LARP4B: variants seen among roughly 807,000 people sequenced by gnomAD.
LARP4B encodes la-related protein 4B.
In LARP4B, 12 loss-of-function variants were observed where a neutral mutation model predicts 89.8. The ratio of observed to expected loss-of-function variants is 0.13; its 90% CI spans 0.09 to 0.22. The LOEUF (loss-of-function observed/expected upper bound fraction) is 0.22. Ranked by LOEUF, LARP4B falls within the 10% of genes least tolerant of loss-of-function variation. LARP4B has a pLI of 1.00. For missense variants in LARP4B, 757 were observed against 947.7 expected (o/e 0.80, Z 2.64); for synonymous variants, 367 against 363.3 (o/e 1.01, Z -0.12).
chr10:844,994 C>T lies in LARP4B; in HGVS notation c.492G>A (p.Leu164=). 1 of 1,611,526 alleles carries T rather than the reference C, an allele frequency of 6.2e-7. No homozygotes were observed. The highest frequency in any genetic ancestry group is 8.5e-7 in the Non-Finnish European group (1 of 1,179,414). ...AGCCTTACCTAGATAAGCAGAATTC[C>T]AATGTTTTTTTAAGTACTTCTCGGG... ...EDPREVLKKT[L]EFCLSRENLA... is the part of the protein sequence containing the mutation. Residue 164 remains leucine (L), a synonymous_variant, in exon 6 of 18, where the codon TTG becomes TTA. Coordinates refer to ENST00000316157, the MANE Select transcript of LARP4B (RefSeq NM_015155.3).
intron 1 of LARP4B, among the ~76,000 whole-genome samples, chr10:895,111 G>A (rs1356647319): frequency 3.3e-5 from 5 of 152,086 alleles, no homozygotes; most frequent in Non-Finnish European, 5.9e-5. Context: ...GCCTGAATCC[G>A]GGAGGCAGAG....
chr10:816,460 C>G (rs1832060592), intron 15 of LARP4B, among the ~76,000 whole-genome samples: 1 of 152,182 alleles, frequency 6.6e-6, no homozygotes, highest in South Asian at 2.1e-4. Context: ...CCCACTACAC[C>G]TGGGTGGTGG....
chr10:837,887 T>C (rs1833309067), intron 7 of LARP4B, among the ~76,000 whole-genome samples: 1 of 152,054 alleles, frequency 6.6e-6, no homozygotes, highest in African/African-American at 2.4e-5. Flanking sequence ...AATTTACAAA[T>C]TGGACTATAT....
At chr10:964,525 A>G in the LARP4B span, among the ~76,000 whole-genome samples, 2 of 152,128 alleles carry the variant, frequency 1.3e-5, no homozygotes, top group African/African-American at 4.8e-5. Flanking sequence ...ACGCTGTTGC[A>G]GCAGATGATC....
At position 830,798 on chromosome 10, in the gene LARP4B, C is replaced by T. The variant is rs1032308496; in HGVS notation, c.861+69G>A. 4.8e-5 allele frequency: 34 copies of T among 713,368 alleles called. No individual in the cohort carries two copies. In the East Asian group the frequency reaches 5.5e-4, roughly 12 times the overall value. 44.2% of individuals were successfully genotyped at this position (713,368 alleles called of 1,614,324 possible). A position where few individuals can be genotyped will look rare whatever the true frequency, so the allele number is the denominator to read the frequency against. On this transcript the variant is annotated intron_variant, in intron 9 of 17. Coordinates refer to ENST00000316157, the MANE Select transcript of LARP4B (RefSeq NM_015155.3). ...AGTAATCTCAATGCCCAAGTTTAGT[C>T]CCAACATGCACTAATAGTAAAAACT...
At chr10:982,899 A>C in the LARP4B span, among the ~76,000 whole-genome samples, 1 of 152,232 alleles carries the variant, frequency 6.6e-6, no homozygotes, top group African/African-American at 2.4e-5. Flanking sequence ...GAGTTCTTTC[A>C]TGTTTTCTTA....
chr10:821,513 T>C (rs1282199343), intron 13 of LARP4B, among the ~76,000 whole-genome samples: 1 of 152,230 alleles, frequency 6.6e-6, no homozygotes, highest in Non-Finnish European at 1.5e-5. Flanking sequence ...CGTGGAGACC[T>C]AGGACTCTAG....
the LARP4B span, among the ~76,000 whole-genome samples, chr10:943,724 G>A: frequency 3.9e-5 from 6 of 152,146 alleles, no homozygotes; most frequent in East Asian, 5.8e-4. Context: ...AGTGAGCGGC[G>A]AGGGTGATGG....
the LARP4B span, among the ~76,000 whole-genome samples, chr10:984,440 G>A: frequency 1.3e-5 from 2 of 152,160 alleles, no homozygotes; most frequent in African/African-American, 4.8e-5. Context: ...TGGAACAGCA[G>A]AATGCAAAGA....
chr10:895,723 A>G (rs1836169803), intron 1 of LARP4B, among the ~76,000 whole-genome samples: 2 of 151,966 alleles, frequency 1.3e-5, no homozygotes, highest in Admixed American at 6.6e-5. Flanking sequence ...GTATGTTACA[A>G]TTACTTAAAA....
At chr10:935,924 A>G (rs1302711517), upstream of LARP4B, among the ~76,000 whole-genome samples, 1 of 148,132 alleles carries the variant, frequency 6.8e-6, no homozygotes, top group Non-Finnish European at 1.5e-5. Context: ...TTTTGTTTTT[A>G]GTAGAGTCAG....
intron 7 of LARP4B, among the ~76,000 whole-genome samples, chr10:839,830 C>A (rs530149388): frequency 1.3e-5 from 2 of 152,280 alleles, no homozygotes; most frequent in Admixed American, 1.3e-4. Flanking sequence ...CATGGTCACA[C>A]GGAGACTTTT....
chr10:830,980 A>G lies in LARP4B; in HGVS notation c.751-3T>C. 3 of 1,028,692 alleles carry G rather than the reference A, an allele frequency of 2.9e-6. No individual in the cohort carries two copies. Among genetic ancestry groups the G allele is most frequent in the Non-Finnish European group, 3.0e-6 (2 of 670,628 alleles). 63.7% of individuals were successfully genotyped at this position (1,028,692 alleles called of 1,614,324 possible). A position where few individuals can be genotyped will look rare whatever the true frequency, so the allele number is the denominator to read the frequency against. On this transcript the variant is annotated splice_polypyrimidine_tract_variant and splice_region_variant and intron_variant, in intron 8 of 17. Transcript: ENST00000316157. ...CCTTTAAATAGTGCTTCTACTTCCTACAGGAAATAGAGATGTTAGAAATTA... is the reference window on the plus strand; with the variant it reads ...CCTTTAAATAGTGCTTCTACTTCCTGCAGGAAATAGAGATGTTAGAAATTA...
intron 7 of LARP4B, among the ~76,000 whole-genome samples, chr10:839,115 G>C (rs1007557537): frequency 6.6e-6 from 1 of 152,194 alleles, no homozygotes; most frequent in East Asian, 1.9e-4. Flanking sequence ...GGGGAGGCAG[G>C]GATGCACGGG....
At chr10:931,213 G>A (rs1246349199) in intron 1 of LARP4B, among the ~76,000 whole-genome samples, 4 of 148,076 alleles carry the variant, frequency 2.7e-5, no homozygotes, top group East Asian at 2.0e-4. Flanking sequence ...CCCTGACCCC[G>A]GTCCTCCTCA....
At chr10:828,295 T>C (rs919404487) in intron 11 of LARP4B, among the ~76,000 whole-genome samples, 2 of 152,206 alleles carry the variant, frequency 1.3e-5, no homozygotes, top group Non-Finnish European at 2.9e-5. Flanking sequence ...AACTCATACT[T>C]AACCTGAAAA....
intron 3 of LARP4B, among the ~76,000 whole-genome samples, chr10:868,185 G>A (rs1835012186): frequency 6.6e-6 from 1 of 151,948 alleles, no homozygotes. Context: ...CTGGAGAAGG[G>A]GGACTGGCCG....
intron 1 of LARP4B, among the ~76,000 whole-genome samples, chr10:899,219 A>C (rs1377116494): frequency 3.9e-5 from 6 of 152,250 alleles, no homozygotes; most frequent in Non-Finnish European, 2.9e-5. Flanking sequence ...GATAATATTA[A>C]ATACATTGTA....
At position 907,172 on chromosome 10, in the gene LARP4B, AAT is replaced by A. The variant is rs372297979; in HGVS notation, c.-39-21414_-39-21413del. Among the ~76,000 whole-genome samples the A allele has an allele frequency of 6.0e-3, 915 of 152,368 alleles. 9 individuals carry two copies. Among genetic ancestry groups the A allele is most frequent in the African/African-American group, 0.021 (892 of 41,596 alleles). Reference sequence around the variant, plus strand: ...AAAGTTTTATCACTCGGAGGTCAGAAATATGTCTACCCTGTTCACTGTTGTAT... The same window carrying A: ...AAAGTTTTATCACTCGGAGGTCAGAAATGTCTACCCTGTTCACTGTTGTAT... On this transcript the variant is annotated intron_variant, in intron 1 of 17. Transcript: ENST00000316157.
Sources: gnomAD v4.1 joint callset for allele counts (sites outside exome capture counted in the v4.1 genomes callset) on GRCh38, gnomAD v4.1.1 for gene constraint, MANE v1.5 for transcripts, NCBI Gene and HGNC (gene_info 2026-07-23, HGNC 2026-07-21) for gene names.